Variants in UNC5D observed in about 807,000 individuals in gnomAD.
The protein encoded by UNC5D is unc-5 netrin receptor D.
A neutral mutation model predicts 105.4 loss-of-function variants in UNC5D; 39 were observed. The observed-to-expected ratio is 0.37, with a 90% CI of 0.29 to 0.48. The LOEUF (loss-of-function observed/expected upper bound fraction) is 0.48, where lower values mean the gene tolerates loss of function less well. Among genes scored for constraint, UNC5D ranks in the 20% least tolerant of loss-of-function variants. The pLI, the probability that UNC5D is intolerant of heterozygous loss-of-function variation, is 0.98. For missense variants in UNC5D, 991 were observed against 1,202.4 expected (o/e 0.82, Z 2.60); for synonymous variants, 452 against 450.4 (o/e 1.00, Z -0.04).
intron 1 of UNC5D, among the ~76,000 whole-genome samples, chr8:35,260,005 T>C (rs1185507308): frequency 2.6e-5 from 4 of 152,164 alleles, no homozygotes; most frequent in African/African-American, 9.7e-5. Context: ...TAAAAAAGTG[T>C]CTCTGAAGAT....
chr8:35,525,672 G>T, intron 1 of UNC5D: 6 of 1,611,088 alleles, frequency 3.7e-6, no homozygotes, highest in Non-Finnish European at 5.1e-6. Flanking sequence ...GTAGTCAAAG[G>T]CTACCACCTC....
intron 1 of UNC5D, among the ~76,000 whole-genome samples, chr8:35,441,206 C>T (rs1807372413): frequency 6.6e-6 from 1 of 151,920 alleles, no homozygotes; most frequent in South Asian, 2.1e-4. Flanking sequence ...AGAACATACT[C>T]CTCACCTATC....
At position 35,737,252 on chromosome 8, in the gene UNC5D, C is replaced by CTGTGTGTG. The variant is rs369792188; in HGVS notation, c.1766+6198_1766+6205dup. On this transcript the variant is annotated intron_variant, in intron 11 of 16. Coordinates refer to ENST00000404895, the MANE Select transcript of UNC5D (RefSeq NM_080872.4). ...GGGGAGAAACTTGGCAAGATCTGCT[C>CTGTGTGTG]TGTGTGTGTGTGTGTGTGTGTGTGT... Among the ~76,000 whole-genome samples the CTGTGTGTG allele has an allele frequency of 8.4e-3, 1,001 of 119,864 alleles. 7 individuals are homozygous for CTGTGTGTG. Among genetic ancestry groups the CTGTGTGTG allele is most frequent in the Middle Eastern group, 0.012 (3 of 256 alleles). The allele number at this position is 119,864 out of a possible 152,430, so 78.6% of individuals were successfully genotyped here.
chr8:35,239,094 T>C (rs1414573268), intron 1 of UNC5D, among the ~76,000 whole-genome samples: 1 of 152,216 alleles, frequency 6.6e-6, no homozygotes, highest in Non-Finnish European at 1.5e-5. Flanking sequence ...TCTTAAGAGA[T>C]CTTTTAAGCA....
In UNC5D at chr8:35,566,911, G is replaced by A. The variant is rs140002935; in HGVS notation, c.323-1187G>A. Reference sequence around the variant, plus strand: ...CTTCCCTGTTTGTGATGAGTTAACTGGTGAGGCAAGTGAGGTGCCCCTTCC... The same window carrying A: ...CTTCCCTGTTTGTGATGAGTTAACTAGTGAGGCAAGTGAGGTGCCCCTTCC... On this transcript the variant is annotated intron_variant, in intron 2 of 16. Coordinates refer to ENST00000404895, the MANE Select transcript of UNC5D (RefSeq NM_080872.4). Among the ~76,000 whole-genome samples, 483 of 152,246 alleles carry A rather than the reference G, an allele frequency of 3.2e-3. 3 individuals carry two copies. The highest frequency in any genetic ancestry group is 0.011 in the African/African-American group (452 of 41,528).
At chr8:35,728,294 A>C (rs975401101) in intron 10 of UNC5D, among the ~76,000 whole-genome samples, 8 of 151,780 alleles carry the variant, frequency 5.3e-5, no homozygotes, top group African/African-American at 1.9e-4. Context: ...GTGTGTGTGC[A>C]CATCTGTTTA....
intron 1 of UNC5D, among the ~76,000 whole-genome samples, chr8:35,495,312 G>A (rs1811480514): frequency 6.6e-6 from 1 of 151,794 alleles, no homozygotes; most frequent in Non-Finnish European, 1.5e-5. Flanking sequence ...GTGGGAAGAG[G>A]TCTTTTTATA....
At chr8:35,433,808 C>A (rs1431111737) in intron 1 of UNC5D, among the ~76,000 whole-genome samples, 2 of 147,946 alleles carry the variant, frequency 1.4e-5, no homozygotes, top group African/African-American at 5.0e-5. Context: ...GAGATTGCAC[C>A]ATTGCACTCC....
At chr8:35,450,405 T>G (rs1808067962) in intron 1 of UNC5D, among the ~76,000 whole-genome samples, 1 of 152,164 alleles carries the variant, frequency 6.6e-6, no homozygotes, top group East Asian at 1.9e-4. Context: ...CCAGAACCTT[T>G]ACTTTTTATC....
In UNC5D at chr8:35,473,637, C is replaced by A. The variant is rs186185247; in HGVS notation, c.104-75655C>A. The stretch of plus-strand genomic sequence containing the variant: ...AAGTCAGTGTTCTCAACTGAGGGAA[C>A]TGAATGGCAGAAGGTTGAAACCACC... On this transcript the variant is annotated intron_variant, in intron 1 of 16. Coordinates refer to ENST00000404895, the MANE Select transcript of UNC5D (RefSeq NM_080872.4). Among the ~76,000 whole-genome samples the A allele has an allele frequency of 5.3e-5, 8 of 152,276 alleles. No individual in the cohort carries two copies. In the East Asian group the frequency reaches 1.3e-3, roughly 26 times the overall value.
chr8:35,364,179 T>A (rs1801989735), intron 1 of UNC5D, among the ~76,000 whole-genome samples: 1 of 152,148 alleles, frequency 6.6e-6, no homozygotes, highest in South Asian at 2.1e-4. Context: ...AATGAACTAA[T>A]TAGACAAATA....
At chr8:35,567,747 T>G (rs1817453610) in intron 2 of UNC5D, among the ~76,000 whole-genome samples, 1 of 152,108 alleles carries the variant, frequency 6.6e-6, no homozygotes, top group Admixed American at 6.5e-5. Context: ...CTGGCATTGA[T>G]TTGTGGAGGC....
At chr8:35,557,541 T>G (rs1816640479) in intron 2 of UNC5D, among the ~76,000 whole-genome samples, 1 of 152,226 alleles carries the variant, frequency 6.6e-6, no homozygotes, top group Non-Finnish European at 1.5e-5. Context: ...AATTTACTAC[T>G]TTCAGTACTA....
intron 1 of UNC5D, among the ~76,000 whole-genome samples, chr8:35,270,195 G>A (rs1805182453): frequency 6.6e-6 from 1 of 152,108 alleles, no homozygotes. Context: ...CTCCTGTACT[G>A]TTTGTGTTTC....
intron 1 of UNC5D, among the ~76,000 whole-genome samples, chr8:35,429,381 A>G (rs904898676): frequency 2.6e-5 from 4 of 152,086 alleles, no homozygotes; most frequent in African/African-American, 9.7e-5. Context: ...TTCAGTGAAT[A>G]GTCAGACTAC....
At chr8:35,354,501 T>G (rs924066435) in intron 1 of UNC5D, among the ~76,000 whole-genome samples, 7 of 152,180 alleles carry the variant, frequency 4.6e-5, no homozygotes, top group Non-Finnish European at 7.3e-5. Context: ...CTTTTCCTTT[T>G]CATTATGCAT....
chr8:35,366,136 A>G (rs908628108), intron 1 of UNC5D, among the ~76,000 whole-genome samples: 1 of 152,152 alleles, frequency 6.6e-6, no homozygotes, highest in Non-Finnish European at 1.5e-5. Context: ...TGGCCAAAAT[A>G]TAGGCATTCT....
chr8:35,559,276 A>G (rs138648557), intron 2 of UNC5D, among the ~76,000 whole-genome samples: 11 of 152,326 alleles, frequency 7.2e-5, no homozygotes, highest in Admixed American at 2.0e-4. Context: ...CTGGTCATTT[A>G]CTGCTTCTGT....
intron 1 of UNC5D, among the ~76,000 whole-genome samples, chr8:35,499,617 C>T (rs1166638600): frequency 1.3e-5 from 2 of 152,092 alleles, no homozygotes; most frequent in East Asian, 1.9e-4. Flanking sequence ...ATTTAATCTC[C>T]CTTTGAAAGT....
Sources: gnomAD v4.1 joint callset for allele counts (sites outside exome capture counted in the v4.1 genomes callset) on GRCh38, gnomAD v4.1.1 for gene constraint, MANE v1.5 for transcripts, NCBI Gene and HGNC (gene_info 2026-07-23, HGNC 2026-07-21) for gene names.